The following ATG7 variants were observed in gnomAD, a reference collection of about 807,000 sequenced individuals.
ATG7 encodes ubiquitin-like modifier-activating enzyme ATG7.
Under a neutral mutation model 82.4 loss-of-function variants are expected in ATG7, and 70 were observed. The observed-to-expected ratio is 0.85, with a 90% CI of 0.70 to 1.04. The LOEUF (loss-of-function observed/expected upper bound fraction) is 1.04. ATG7 is among the 50% of genes least tolerant of loss of function. The probability of loss-of-function intolerance (pLI) is 0.00; values close to 1 mark genes in which losing one functional copy is unlikely to be tolerated. For synonymous variants in ATG7, 287 were observed against 313.0 expected, an observed-to-expected ratio of 0.92 and a Z score of 0.88; for missense variants, 792 against 864.3, an observed-to-expected ratio of 0.92 and a Z score of 1.05.
intron 13 of ATG7, among the ~76,000 whole-genome samples, chr3:11,345,387 T>C (rs1954365894): frequency 6.6e-6 from 1 of 152,166 alleles, no homozygotes; most frequent in Non-Finnish European, 1.5e-5. Flanking sequence ...CCAGCCTGGG[T>C]GACAGAGCAG....
At position 11,382,819 on chromosome 3, in the gene ATG7, C is replaced by T. The variant is rs1161648656; in HGVS notation, c.1956+2767C>T. 2.0e-5 allele frequency among the ~76,000 whole-genome samples: 3 copies of T among 152,236 alleles called. No homozygotes were observed. In the East Asian group the frequency reaches 5.8e-4, roughly 29 times the overall value. ...TCTATTGATATAATTTTAAGCTTAA[C>T]AGAAACATTGGAAGAATAGTACAAG... On this transcript the variant is annotated intron_variant, in intron 19 of 20. Coordinates refer to ENST00000693202, the MANE Select transcript of ATG7 (RefSeq NM_001349232.2).
At chr3:11,321,077 A>C (rs1445335206) in intron 9 of ATG7, among the ~76,000 whole-genome samples, 1 of 152,162 alleles carries the variant, frequency 6.6e-6, no homozygotes, top group Non-Finnish European at 1.5e-5. Flanking sequence ...GCAGATGCGT[A>C]ATGTCTGGGA....
intron 14 of ATG7, among the ~76,000 whole-genome samples, chr3:11,355,494 A>G (rs1316660941): frequency 6.6e-6 from 1 of 152,248 alleles, no homozygotes; most frequent in Non-Finnish European, 1.5e-5. Flanking sequence ...AACACGCAAG[A>G]TGAACAACTC....
chr3:11,319,559 G>C, intron 9 of ATG7, among the ~76,000 whole-genome samples: 1 of 152,150 alleles, frequency 6.6e-6, no homozygotes, highest in East Asian at 1.9e-4. Context: ...TTCCTCCCAA[G>C]TAATTCAATT....
At chr3:11,520,550 C>T (rs918838070) in intron 20 of ATG7, among the ~76,000 whole-genome samples, 1 of 152,148 alleles carries the variant, frequency 6.6e-6, no homozygotes, top group Non-Finnish European at 1.5e-5. Flanking sequence ...AGGAAGATGC[C>T]GTGCTGGCCC....
intron 3 of ATG7, among the ~76,000 whole-genome samples, chr3:11,283,203 C>A (rs1943365863): frequency 6.6e-6 from 1 of 152,154 alleles, no homozygotes; most frequent in South Asian, 2.1e-4. Flanking sequence ...AATTAAGCCT[C>A]TGTTGTGCTT....
intron 19 of ATG7, among the ~76,000 whole-genome samples, chr3:11,420,039 T>C (rs1214197074): frequency 1.3e-5 from 2 of 152,248 alleles, no homozygotes; most frequent in Non-Finnish European, 2.9e-5. Flanking sequence ...ATGTTTTACA[T>C]AGACTGACAG....
At position 11,290,914 on chromosome 3, in the gene ATG7, A is replaced by AG. The variant is rs1944881884; in HGVS notation, c.-10-7772_-10-7771insG. On this transcript the variant is annotated intron_variant, in intron 3 of 20. Transcript: ENST00000693202. ...TGGTCAGGCTGGTCTTGACCTCCTT[A>AG]CCAAGTGATCCACCCACCTCAGCCT... Among the ~76,000 whole-genome samples, 10 of 152,044 alleles carry AG rather than the reference A, an allele frequency of 6.6e-5. 1 individual carries two copies. In the South Asian group the frequency reaches 2.1e-3, roughly 32 times the overall value.
In ATG7 at chr3:11,523,950, C is replaced by G. The variant is rs2092508173; in HGVS notation, c.2080-30861C>G. On this transcript the variant is annotated intron_variant, in intron 20 of 20. Coordinates refer to ENST00000693202, the MANE Select transcript of ATG7 (RefSeq NM_001349232.2). ...ATGGTCCCCAGCCCCAGCGCCCACC[C>G]CTTGTCTAGAGCCATTGCGCTCTGC... 2.0e-5 allele frequency among the ~76,000 whole-genome samples: 3 copies of G among 152,310 alleles called. No homozygotes were observed. In the South Asian group the frequency reaches 6.2e-4, roughly 32 times the overall value.
chr3:11,428,713 G>A (rs1246135821), intron 20 of ATG7, among the ~76,000 whole-genome samples: 2 of 152,218 alleles, frequency 1.3e-5, no homozygotes, highest in Non-Finnish European at 2.9e-5. Context: ...TGATGGTATG[G>A]AAGAGGTAAC....
intron 19 of ATG7, among the ~76,000 whole-genome samples, chr3:11,409,574 A>T (rs986270862): frequency 6.6e-6 from 1 of 151,986 alleles, no homozygotes; most frequent in African/African-American, 2.4e-5. Context: ...CCCCATCATA[A>T]GTTGATGAGC....
At chr3:11,526,631 C>G (rs1410184943) in intron 20 of ATG7, among the ~76,000 whole-genome samples, 1 of 152,140 alleles carries the variant, frequency 6.6e-6, no homozygotes, top group Non-Finnish European at 1.5e-5. Context: ...TTAGTTGTAA[C>G]AGTTTGAAAA....
At chr3:11,535,968 C>T (rs2070252840) in intron 20 of ATG7, among the ~76,000 whole-genome samples, 1 of 152,214 alleles carries the variant, frequency 6.6e-6, no homozygotes, top group Non-Finnish European at 1.5e-5. Flanking sequence ...GCCTGCCAAA[C>T]CAGCCATCAG....
At chr3:11,410,500 T>C (rs2080796282) in intron 19 of ATG7, among the ~76,000 whole-genome samples, 1 of 152,208 alleles carries the variant, frequency 6.6e-6, no homozygotes, top group African/African-American at 2.4e-5. Context: ...TTAAATTCCT[T>C]CATAATATTG....
chr3:11,418,487 G>A (rs57782927), intron 19 of ATG7, among the ~76,000 whole-genome samples: 2 of 152,146 alleles, frequency 1.3e-5, no homozygotes, highest in Admixed American at 1.3e-4. Context: ...TATTTACTGA[G>A]AGAACCTGGT....
At chr3:11,385,233 T>A (rs1459235920) in intron 19 of ATG7, among the ~76,000 whole-genome samples, 1 of 152,156 alleles carries the variant, frequency 6.6e-6, no homozygotes, top group African/African-American at 2.4e-5. Flanking sequence ...TTTCACCATG[T>A]TGGCCAGGTT....
Position 11,308,985 on chromosome 3 carries a change from T to C in ATG7, c.335T>C (p.Ile112Thr). 6.2e-7 allele frequency: 1 copy of C among 1,613,300 alleles called. No individual in the cohort carries two copies. ...TTGATGCTTTTCTTCTTCTTGCAGATATGGGAATCCATAAAATCAGGCACT... is the reference window on the plus strand; with the variant it reads ...TTGATGCTTTTCTTCTTCTTGCAGACATGGGAATCCATAAAATCAGGCACT... The part of the protein sequence containing the change: ...KLLLEQAANE[I>T]WESIKSGTAL... Residue 112 changes from isoleucine (I) to threonine (T), a missense_variant and splice_region_variant, in exon 7 of 21, where the codon ATA (isoleucine) becomes ACA (threonine). By Grantham distance (89) the Ile-to-Thr change is moderately conservative. Coordinates refer to ENST00000693202, the MANE Select transcript of ATG7 (RefSeq NM_001349232.2).
chr3:11,360,239 G>A (rs2076203348), intron 15 of ATG7, among the ~76,000 whole-genome samples: 1 of 152,154 alleles, frequency 6.6e-6, no homozygotes, highest in South Asian at 2.1e-4. Flanking sequence ...TAGAGACAGG[G>A]TTTCGTCATG....
chr3:11,454,708 G>A (rs541253971), intron 20 of ATG7, among the ~76,000 whole-genome samples: 11 of 152,322 alleles, frequency 7.2e-5, no homozygotes, highest in African/African-American at 1.9e-4. Flanking sequence ...CAGGGGCAGC[G>A]TTTCAATCTA....
Sources: gnomAD v4.1 joint callset for allele counts (sites outside exome capture counted in the v4.1 genomes callset) on GRCh38, gnomAD v4.1.1 for gene constraint, MANE v1.5 for transcripts, NCBI Gene and HGNC (gene_info 2026-07-23, HGNC 2026-07-21) for gene names.